PCDHGB1: variants seen among roughly 807,000 people sequenced by gnomAD.
PCDHGB1 encodes the protein protocadherin gamma-B1.
A neutral mutation model predicts 56.6 loss-of-function variants in PCDHGB1; 34 were observed. That is an observed-to-expected ratio of 0.60 (90% confidence interval 0.46 to 0.80). The LOEUF is 0.80. PCDHGB1 is among the 30% of genes least tolerant of loss of function. The pLI is 0.00. For missense variants in PCDHGB1, 1,278 were observed against 1,204.6 expected, an observed-to-expected ratio of 1.06 and a Z score of -0.90; for synonymous variants, 561 against 505.9, an observed-to-expected ratio of 1.11 and a Z score of -1.46.
rs548781270 is a variant in PCDHGB1 at position 141,351,943 on chromosome 5, C to T, written c.1683C>T (p.Pro561=). Reference sequence around the variant, plus strand: ...ACAATGCGCCACGGGTGCTGTACCCCGCGCTGGGGCCTGATGGCTCCGCCC... The same window carrying T: ...ACAATGCGCCACGGGTGCTGTACCCTGCGCTGGGGCCTGATGGCTCCGCCC... ...LNDNAPRVLY[P]ALGPDGSALF... is the part of the protein sequence containing the mutation. Residue 561 remains proline, a synonymous_variant, in exon 1 of 4, where the codon CCC becomes CCT. Coordinates refer to ENST00000523390, the MANE Select transcript of PCDHGB1 (RefSeq NM_018922.3). The T allele has an allele frequency of 6.2e-6, 10 of 1,613,052 alleles. No homozygotes were observed. The highest frequency in any genetic ancestry group is 4.0e-5 in the African/African-American group (3 of 74,932).
intron 1 of PCDHGB1, chr5:141,360,424 G>C (rs1561520496): frequency 1.2e-6 from 2 of 1,613,958 alleles, no homozygotes; most frequent in East Asian, 2.2e-5. Context: ...ACAGATATGC[G>C]GGAAGCAGCC....
At chr5:141,498,971 GGGAAGGAAGGAAGGAAGGAA>G (rs201769957) in intron 2 of PCDHGB1, among the ~76,000 whole-genome samples, 1,566 of 111,048 alleles carry the variant, frequency 0.014, 32 homozygotes, top group African/African-American at 0.048. Flanking sequence ...GAGGGAGGGA[GGGAAGGAAGGAAGGAAGGAA>G]GGAAGGAAGG....
chr5:141,398,868 CAG>C, intron 1 of PCDHGB1: 1 of 1,613,982 alleles, frequency 6.2e-7, no homozygotes, highest in Non-Finnish European at 8.5e-7. Flanking sequence ...GAGACGTGTA[CAG>C]AGTCAGCCTT....
chr5:141,417,633 G>C, intron 1 of PCDHGB1: 1 of 712,146 alleles, frequency 1.4e-6, no homozygotes, highest in South Asian at 2.3e-5. Flanking sequence ...CGCTGACGCC[G>C]GGGATCCCTC....
At chr5:141,465,945 AC>A (rs761290693) in intron 1 of PCDHGB1, among the ~76,000 whole-genome samples, 7 of 151,958 alleles carry the variant, frequency 4.6e-5, no homozygotes, top group Non-Finnish European at 5.9e-5. Context: ...ACATGGTGAA[AC>A]CCCATCTCTA....
intron 1 of PCDHGB1, chr5:141,428,257 G>A: frequency 1.2e-6 from 1 of 865,864 alleles, no homozygotes; most frequent in Non-Finnish European, 1.9e-6. Context: ...AGACTTCAGT[G>A]ACAGTCCTGT....
intron 1 of PCDHGB1, chr5:141,389,849 T>C (rs773205213): frequency 6.2e-7 from 1 of 1,614,066 alleles, no homozygotes; most frequent in South Asian, 1.1e-5. Context: ...TCTCGGCCAC[T>C]GCCACGTTGC....
intron 1 of PCDHGB1, chr5:141,384,214 T>C (rs1305082096): frequency 6.2e-6 from 10 of 1,613,756 alleles, no homozygotes; most frequent in South Asian, 1.1e-5. Flanking sequence ...AACTCACATA[T>C]TCATGCAGGT....
Position 141,489,662 on chromosome 5 carries a change from G to T in PCDHGB1, c.2410-5145G>T, listed in dbSNP as rs2233601. On this transcript the variant is annotated intron_variant, in intron 1 of 3. Transcript: ENST00000523390. The surrounding 1 kb of genome is among the most constrained non-coding windows in gnomAD (Gnocchi z 4.5). Reference sequence around the variant, plus strand: ...TTTGCCACCCCTGAGCGAGAGATGCGCATCTCAGAATCAGCAGCATCTGGG... The same window carrying T: ...TTTGCCACCCCTGAGCGAGAGATGCTCATCTCAGAATCAGCAGCATCTGGG... 2.5e-6 allele frequency: 4 copies of T among 1,614,024 alleles called. No homozygotes were observed. The African/African-American group carries it at 4.0e-5, about 16-fold the overall frequency.
intron 1 of PCDHGB1, chr5:141,423,473 C>A: frequency 6.2e-7 from 1 of 1,614,010 alleles, no homozygotes; most frequent in Non-Finnish European, 8.5e-7. Flanking sequence ...GGGGTACAGG[C>A]TTTCCTGCAA....
intron 1 of PCDHGB1, chr5:141,404,646 C>G (rs1461001534): frequency 3.1e-6 from 5 of 1,614,208 alleles, no homozygotes; most frequent in Non-Finnish European, 3.4e-6. Flanking sequence ...ATCCTGTACC[C>G]TGCCCTCCCC....
chr5:141,395,016 G>GTGCC (rs1354536790), intron 1 of PCDHGB1: 2 of 1,613,950 alleles, frequency 1.2e-6, no homozygotes, highest in Non-Finnish European at 1.7e-6. Flanking sequence ...ATTGGTAGGC[G>GTGCC]TGCCTGCCTC....
chr5:141,385,563 C>T, intron 1 of PCDHGB1: 1 of 1,304,972 alleles, frequency 7.7e-7, no homozygotes, highest in Non-Finnish European at 9.7e-7. Flanking sequence ...TTATAATTTC[C>T]ACCTACTTTC....
intron 1 of PCDHGB1, among the ~76,000 whole-genome samples, chr5:141,484,322 T>C (rs2099594801): frequency 6.6e-6 from 1 of 152,214 alleles, no homozygotes; most frequent in Non-Finnish European, 1.5e-5. Flanking sequence ...TTCCATACTG[T>C]CCTTGAAATC....
chr5:141,419,905 T>G (rs916259620), intron 1 of PCDHGB1: 23 of 1,613,978 alleles, frequency 1.4e-5, no homozygotes, highest in Non-Finnish European at 1.9e-5. Context: ...CCACACCCTC[T>G]GACTCCCAGG....
rs1326296096 is a variant in PCDHGB1, at chr5:141,505,460, A to G, written c.2536A>G (p.Met846Val). The change falls in exon 3 of 4, where the codon ATG becomes GTG. Residue 846 changes from methionine to valine, a missense_variant. Transcript: ENST00000523390. Reference protein sequence around the residue: ...NQFDTEMLQAMILASASEAAD... With the variant: ...NQFDTEMLQAVILASASEAAD... ...GTTTGACACAGAGATGCTGCAAGCC[A>G]TGATCTTGGCGTCCGCCAGTGGTAA... 2 of 1,614,070 alleles carry G rather than the reference A, an allele frequency of 1.2e-6. No homozygotes were observed. The highest frequency in any genetic ancestry group is 1.3e-5 in the African/African-American group (1 of 74,942).
chr5:141,373,998 T>C lies in PCDHGB1; in HGVS notation c.2409+21329T>C, dbSNP rs934719638. On this transcript the variant is annotated intron_variant, in intron 1 of 3. Transcript: ENST00000523390. ...TCCGGTCTCTGCTTGTTGAAGGACC[T>C]TCACCGCTATTTCTGAGAAGAGCAA... The C allele has an allele frequency of 2.4e-5, 31 of 1,299,320 alleles. No homozygotes were observed. The African/African-American group carries it at 4.6e-4, about 19-fold the overall frequency. The allele number at this position is 1,299,320 out of a possible 1,614,324, so 80.5% of individuals were successfully genotyped here. A position where few individuals can be genotyped will look rare whatever the true frequency, so the allele number is the denominator to read the frequency against.
At chr5:141,365,669 G>A (rs1304025932) in intron 1 of PCDHGB1, 2 of 1,613,344 alleles carry the variant, frequency 1.2e-6, no homozygotes, top group Admixed American at 3.3e-5. Flanking sequence ...AGACGTTAAT[G>A]ACAACCCACC....
In PCDHGB1 at chr5:141,352,486, G is replaced by T; in HGVS notation, c.2226G>T (p.Gly742=). The T allele has an allele frequency of 6.2e-7, 1 of 1,614,000 alleles. No individual in the cohort carries two copies. Among genetic ancestry groups the T allele is most frequent in the Non-Finnish European group, 8.5e-7 (1 of 1,179,888 alleles). The change falls in exon 1 of 4, where the codon GGG becomes GGT. Residue 742 remains glycine (G), a synonymous_variant. Transcript: ENST00000523390. The stretch of plus-strand genomic sequence containing the variant: ...GGGTTCCTCCCAACCACAGCGAGGG[G>T]ACTTTGCCCTATTCCTACAATCTAT... ...GPGVPPNHSE[G]TLPYSYNLCI... is the part of the protein sequence containing the mutation.
Sources: gnomAD v4.1 joint callset for allele counts (sites outside exome capture counted in the v4.1 genomes callset) on GRCh38, gnomAD v4.1.1 for gene constraint, Gnocchi (gnomAD v3.1) non-coding constraint, MANE v1.5 for transcripts, NCBI Gene and HGNC (gene_info 2026-07-23, HGNC 2026-07-21) for gene names.